The following THSD7B variants were observed in gnomAD, a reference collection of about 807,000 sequenced individuals.
THSD7B encodes the protein thrombospondin type-1 domain-containing protein 7B.
THSD7B carries 138 observed loss-of-function variants against 213.6 expected under a neutral mutation model. The observed-to-expected ratio is 0.65, with a 90% confidence interval of 0.56 to 0.74. THSD7B has a LOEUF of 0.74. Among genes scored for constraint, THSD7B ranks in the 30% least tolerant of loss-of-function variants. The pLI, the probability that THSD7B is intolerant of heterozygous loss-of-function variation, is 0.00. For missense variants in THSD7B, 1,931 were observed against 1,991.5 expected (o/e 0.97, Z 0.58); for synonymous variants, 742 against 687.0 (o/e 1.08, Z -1.25).
At chr2:137,572,319 G>T (rs142791055) in intron 16 of THSD7B, 87 bp from the exon 17 acceptor site, 1 of 1,445,602 alleles carries the variant, frequency 6.9e-7, no homozygotes, top group East Asian at 2.4e-5. Context: ...TTTAACTATC[G>T]TCAGTTACTA....
chr2:136,850,268 T>G (rs1466236256), intron 1 of THSD7B, among the ~76,000 whole-genome samples: 1 of 150,220 alleles, frequency 6.7e-6, no homozygotes, highest in Non-Finnish European at 1.5e-5. Context: ...TTAAAATTAT[T>G]TATCCATTCT....
intron 16 of THSD7B, among the ~76,000 whole-genome samples, chr2:137,567,130 G>T (rs1681253938): frequency 7.3e-6 from 1 of 136,974 alleles, no homozygotes. Flanking sequence ...GGAGTGACAT[G>T]CTCTATTTTA....
At chr2:137,575,600 G>A (rs1185798518) in intron 17 of THSD7B, among the ~76,000 whole-genome samples, 1 of 151,874 alleles carries the variant, frequency 6.6e-6, no homozygotes, top group African/African-American at 2.4e-5. Flanking sequence ...TTTTAAAACT[G>A]TATTGGGAAA....
At chr2:137,301,138 C>G (rs896638001) in intron 12 of THSD7B, among the ~76,000 whole-genome samples, 1 of 152,128 alleles carries the variant, frequency 6.6e-6, no homozygotes. Flanking sequence ...TTCTACCCAG[C>G]ACTGCATCAC....
chr2:137,289,221 G>T (rs566021689), intron 12 of THSD7B, among the ~76,000 whole-genome samples: 10 of 151,218 alleles, frequency 6.6e-5, no homozygotes, highest in African/African-American at 2.4e-4. Flanking sequence ...ATTGTTATAT[G>T]AATAAAAGGG....
chr2:137,291,331 C>G (rs1476830574), intron 12 of THSD7B, among the ~76,000 whole-genome samples: 1 of 151,996 alleles, frequency 6.6e-6, no homozygotes, highest in East Asian at 1.9e-4. Context: ...AGGAATTATA[C>G]CTTAAAGTTT....
At chr2:137,086,697 G>A (rs1234149771) in intron 3 of THSD7B, among the ~76,000 whole-genome samples, 1 of 152,180 alleles carries the variant, frequency 6.6e-6, no homozygotes, top group Admixed American at 6.5e-5. Context: ...GGACCAATTT[G>A]CAGAACAGGA....
intron 1 of THSD7B, among the ~76,000 whole-genome samples, chr2:136,822,338 G>A (rs1682578211): frequency 6.6e-6 from 1 of 152,320 alleles, no homozygotes; most frequent in East Asian, 1.9e-4. Context: ...AAGCCAAGGG[G>A]CATCTTTTCC....
chr2:136,878,119 G>A (rs955929876), intron 1 of THSD7B, among the ~76,000 whole-genome samples: 2 of 152,002 alleles, frequency 1.3e-5, no homozygotes, highest in African/African-American at 4.8e-5. Flanking sequence ...TCCTTCCTGT[G>A]TCCAAGTATT....
chr2:136,772,669 C>T (rs1476208558), intron 1 of THSD7B, among the ~76,000 whole-genome samples: 1 of 152,072 alleles, frequency 6.6e-6, no homozygotes, highest in Non-Finnish European at 1.5e-5. Context: ...GCCTGGGTCA[C>T]TCTTGTGATT....
chr2:137,588,277 C>T (rs1224479228), intron 17 of THSD7B, among the ~76,000 whole-genome samples: 1 of 152,182 alleles, frequency 6.6e-6, no homozygotes, highest in East Asian at 1.9e-4. Flanking sequence ...ACCCCTTATG[C>T]TTCCCAGGTG....
At chr2:136,914,042 A>C (rs949802802) in intron 2 of THSD7B, among the ~76,000 whole-genome samples, 3 of 152,194 alleles carry the variant, frequency 2.0e-5, no homozygotes, top group Admixed American at 1.3e-4. Flanking sequence ...GTCGGGAGGG[A>C]GGCTGTACCC....
At chr2:137,170,626 C>A in intron 6 of THSD7B, 115 bp from the exon 7 acceptor site, 1 of 908,988 alleles carries the variant, frequency 1.1e-6, no homozygotes, top group South Asian at 1.8e-5. Context: ...CAAGATAATA[C>A]GTGCTTAGAG....
At chr2:137,226,700 T>C (rs995285890) in intron 7 of THSD7B, among the ~76,000 whole-genome samples, 18 of 151,648 alleles carry the variant, frequency 1.2e-4, no homozygotes, top group African/African-American at 4.3e-4. Context: ...GTGAGCAAAA[T>C]TGAGTGATAA....
At chr2:137,667,511 A>C (rs1683472354) in intron 26 of THSD7B, among the ~76,000 whole-genome samples, 1 of 152,206 alleles carries the variant, frequency 6.6e-6, no homozygotes, top group African/African-American at 2.4e-5. Flanking sequence ...GGTTTTTTTC[A>C]TAGACATAAT....
intron 25 of THSD7B, among the ~76,000 whole-genome samples, chr2:137,661,341 T>A (rs547064623): frequency 6.6e-6 from 1 of 152,176 alleles, no homozygotes; most frequent in Admixed American, 6.5e-5. Flanking sequence ...ACTAGAGATG[T>A]GATGTGGGGT....
chr2:137,320,764 C>T (rs1031376359), intron 12 of THSD7B, among the ~76,000 whole-genome samples: 1 of 152,212 alleles, frequency 6.6e-6, no homozygotes, highest in African/African-American at 2.4e-5. Context: ...CTTTCATACC[C>T]CTGGCTTTGG....
intron 15 of THSD7B, among the ~76,000 whole-genome samples, chr2:137,515,242 C>T (rs987260310): frequency 4.6e-5 from 7 of 152,016 alleles, no homozygotes; most frequent in African/African-American, 1.7e-4. Flanking sequence ...ACTTTTTTTG[C>T]CAGAAGAAAC....
At chr2:137,254,125 T>G (rs912128666) in intron 10 of THSD7B, among the ~76,000 whole-genome samples, 3 of 152,192 alleles carry the variant, frequency 2.0e-5, no homozygotes, top group African/African-American at 4.8e-5. Flanking sequence ...CAGCCCTGGA[T>G]AGTCTGTGAA....
Sources: gnomAD v4.1 joint callset for allele counts (sites outside exome capture counted in the v4.1 genomes callset) on GRCh38, gnomAD v4.1.1 for gene constraint, MANE v1.5 for transcripts, NCBI Gene and HGNC (gene_info 2026-07-23, HGNC 2026-07-21) for gene names.